PEX5L: variants seen among roughly 807,000 people sequenced by gnomAD.
PEX5L encodes PEX5-related protein.
In PEX5L, 30 loss-of-function variants were observed where a neutral mutation model predicts 84.0. The ratio of observed to expected loss-of-function variants is 0.36; its 90% CI spans 0.27 to 0.48. The LOEUF (loss-of-function observed/expected upper bound fraction) is 0.48. Ranked by LOEUF, PEX5L falls within the 20% of genes least tolerant of loss-of-function variation. PEX5L has a pLI of 0.99. For synonymous variants in PEX5L, 270 were observed against 283.1 expected (o/e 0.95, Z 0.46); for missense variants, 533 against 754.6 (o/e 0.71, Z 3.44).
chr3:179,832,557 CACCT>C (rs1246002144), intron 8 of PEX5L, among the ~76,000 whole-genome samples: 4 of 145,428 alleles, frequency 2.8e-5, no homozygotes, highest in Admixed American at 1.4e-4. Flanking sequence ...CACACCTACT[CACCT>C]ACCTACCTAC....
At chr3:179,951,585 T>C (rs1196221682) in intron 2 of PEX5L, among the ~76,000 whole-genome samples, 1 of 152,220 alleles carries the variant, frequency 6.6e-6, no homozygotes, top group African/African-American at 2.4e-5. Context: ...TTTTAGAATA[T>C]GAGGACTAGG....
At chr3:179,850,980 T>A (rs1741615310) in intron 8 of PEX5L, among the ~76,000 whole-genome samples, 1 of 152,218 alleles carries the variant, frequency 6.6e-6, no homozygotes, top group Admixed American at 6.5e-5. Context: ...TTTTGTTCAA[T>A]AACTTGATAT....
At chr3:179,808,701 G>A (rs1722380823) in intron 12 of PEX5L, among the ~76,000 whole-genome samples, 1 of 152,154 alleles carries the variant, frequency 6.6e-6, no homozygotes, top group Non-Finnish European at 1.5e-5. Context: ...CTCTATGAGT[G>A]CCAATGTGGA....
Position 179,922,451 on chromosome 3 carries a change from C to CTT in PEX5L, c.94-24207_94-24206dup, listed in dbSNP as rs35332742. ...GAATTTCACTGCTTCCTTTTCTTTT[C>CTT]TTTTTTTTTTTTTTTTTGAAGGAGT... On this transcript the variant is annotated intron_variant, in intron 2 of 14. Coordinates refer to ENST00000467460, the MANE Select transcript of PEX5L (RefSeq NM_016559.3). Among the ~76,000 whole-genome samples the CTT allele has an allele frequency of 6.1e-3, 813 of 134,000 alleles. 11 individuals carry two copies. Among genetic ancestry groups the CTT allele is most frequent in the East Asian group, 0.029 (132 of 4,618 alleles). 87.9% of individuals were successfully genotyped at this position (134,000 alleles called of 152,430 possible). A position where few individuals can be genotyped will look rare whatever the true frequency, so the allele number is the denominator to read the frequency against.
At chr3:179,899,839 G>A (rs567135788) in intron 2 of PEX5L, among the ~76,000 whole-genome samples, 4 of 152,232 alleles carry the variant, frequency 2.6e-5, no homozygotes, top group African/African-American at 9.6e-5. Flanking sequence ...CAGCAGATAT[G>A]TCAGTAGTAA....
At chr3:179,945,754 G>A (rs1292759776) in intron 2 of PEX5L, among the ~76,000 whole-genome samples, 4 of 152,138 alleles carry the variant, frequency 2.6e-5, no homozygotes, top group African/African-American at 2.4e-5. Flanking sequence ...CTGCTTCATG[G>A]CAGCCAGTTC....
At chr3:179,909,663 G>A (rs562734280) in intron 2 of PEX5L, among the ~76,000 whole-genome samples, 3 of 152,322 alleles carry the variant, frequency 2.0e-5, no homozygotes, top group South Asian at 2.1e-4. Flanking sequence ...CTAAGCCCCA[G>A]TATTTAAGAC....
At chr3:179,876,883 AT>A (rs938954968) in intron 5 of PEX5L, among the ~76,000 whole-genome samples, 2 of 151,734 alleles carry the variant, frequency 1.3e-5, no homozygotes, top group Non-Finnish European at 2.9e-5. Context: ...CAAATTTGGG[AT>A]TTTTTTTCTT....
chr3:179,819,837 T>G (rs778268479), intron 9 of PEX5L, 23 bp downstream of exon 9: 3 of 1,608,302 alleles, frequency 1.9e-6, no homozygotes, highest in East Asian at 4.5e-5. Flanking sequence ...GTAGTCAGCA[T>G]GTATAGGAAC....
chr3:179,888,159 C>A lies in PEX5L; in HGVS notation c.199-375G>T, dbSNP rs1265423793. 91 of 1,290,110 alleles carry A rather than the reference C, an allele frequency of 7.1e-5. No individual in the cohort carries two copies. The Admixed American group carries it at 2.0e-3, about 29-fold the overall frequency. The allele number at this position is 1,290,110 out of a possible 1,614,324, so 79.9% of individuals were successfully genotyped here. A position where few individuals can be genotyped will look rare whatever the true frequency, so the allele number is the denominator to read the frequency against. On this transcript the variant is annotated intron_variant, in intron 3 of 14. Coordinates refer to ENST00000467460, the MANE Select transcript of PEX5L (RefSeq NM_016559.3). ...CTACTGAGACCTGGACCAGTGGCTT[C>A]AGACTCAAAGATGACATGTTCTGGT...
intron 7 of PEX5L, among the ~76,000 whole-genome samples, chr3:179,860,739 T>C (rs1340469681): frequency 1.3e-5 from 2 of 152,256 alleles, no homozygotes; most frequent in African/African-American, 4.8e-5. Context: ...TAATTTATTT[T>C]GCTTTTTTGG....
chr3:179,830,545 A>G (rs1032151101), intron 8 of PEX5L, among the ~76,000 whole-genome samples: 4 of 152,170 alleles, frequency 2.6e-5, no homozygotes, highest in Non-Finnish European at 2.9e-5. Context: ...GAGCTAATAT[A>G]CAGCTATTCG....
rs1330418564 is a variant in PEX5L at position 179,993,205 on chromosome 3, C to A, written c.22-21540G>T. ...GTCTGTTTCTTTGATTTCCATTTAT[C>A]TGATTACTAGTCAATTTGAGCACGT... is the stretch of plus-strand genomic sequence containing the variant. On this transcript the variant is annotated intron_variant, in intron 1 of 14. Coordinates refer to ENST00000467460, the MANE Select transcript of PEX5L (RefSeq NM_016559.3). Among the ~76,000 whole-genome samples, 4 of 152,146 alleles carry A rather than the reference C, an allele frequency of 2.6e-5. No homozygotes were observed. The East Asian group carries it at 7.7e-4, about 29-fold the overall frequency.
chr3:179,917,230 A>G (rs1767504602), intron 2 of PEX5L, among the ~76,000 whole-genome samples: 1 of 152,062 alleles, frequency 6.6e-6, no homozygotes, highest in Non-Finnish European at 1.5e-5. Flanking sequence ...CCCACTGGAA[A>G]GTCTTCTGGG....
At chr3:179,808,219 A>T (rs1391378937) in intron 13 of PEX5L, 53 bp downstream of exon 13, 1 of 1,442,956 alleles carries the variant, frequency 6.9e-7, no homozygotes, top group Non-Finnish European at 9.3e-7. Context: ...GCCTGTGAAA[A>T]CTTATTTGTT....
intron 3 of PEX5L, among the ~76,000 whole-genome samples, chr3:179,889,822 A>G (rs1212476825): frequency 6.6e-6 from 1 of 152,214 alleles, no homozygotes; most frequent in Admixed American, 6.5e-5. Flanking sequence ...AATAAAATAT[A>G]TTTGAATTTT....
chr3:179,893,882 T>C (rs895249110), intron 3 of PEX5L, among the ~76,000 whole-genome samples: 1 of 152,128 alleles, frequency 6.6e-6, no homozygotes, highest in African/African-American at 2.4e-5. Context: ...TGTTTATATA[T>C]GAATGAAACA....
chr3:180,007,145 A>G (rs1788976877), intron 1 of PEX5L, among the ~76,000 whole-genome samples: 1 of 152,192 alleles, frequency 6.6e-6, no homozygotes, highest in African/African-American at 2.4e-5. Context: ...CAATGGGGGT[A>G]CAGGTATTGG....
intron 10 of PEX5L, among the ~76,000 whole-genome samples, chr3:179,813,325 G>C (rs528083361): frequency 6.3e-4 from 96 of 152,060 alleles, no homozygotes; most frequent in African/African-American, 2.3e-3. Context: ...ATCTGAGATC[G>C]TAATATGTCC....
Sources: gnomAD v4.1 joint callset for allele counts (sites outside exome capture counted in the v4.1 genomes callset) on GRCh38, gnomAD v4.1.1 for gene constraint, MANE v1.5 for transcripts, NCBI Gene and HGNC (gene_info 2026-07-23, HGNC 2026-07-21) for gene names.